SPTLC3: variants seen among roughly 807,000 people sequenced by gnomAD.
SPTLC3 encodes the protein serine palmitoyltransferase 3.
In SPTLC3, 36 loss-of-function variants were observed where a neutral mutation model predicts 59.3. The ratio of observed to expected loss-of-function variants is 0.61; its 90% CI spans 0.47 to 0.80. SPTLC3 has a LOEUF of 0.80. Ranked by LOEUF, SPTLC3 falls within the 30% of genes least tolerant of loss-of-function variation. SPTLC3 has a pLI of 0.00. For synonymous variants in SPTLC3, 257 were observed against 240.8 expected (o/e 1.07, Z -0.62); for missense variants, 625 against 685.1 (o/e 0.91, Z 0.98).
intron 9 of SPTLC3, among the ~76,000 whole-genome samples, chr20:13,134,685 A>G (rs1223425089): frequency 6.6e-6 from 1 of 152,178 alleles, no homozygotes; most frequent in African/African-American, 2.4e-5. Flanking sequence ...CAGAAAAGAA[A>G]CAGATCTGTG....
At chr20:13,122,282 A>G (rs1057115830) in intron 8 of SPTLC3, among the ~76,000 whole-genome samples, 3 of 152,242 alleles carry the variant, frequency 2.0e-5, no homozygotes, top group Admixed American at 2.0e-4. Context: ...GACATGAAAC[A>G]TTTGGAGACC....
Position 13,160,079 on chromosome 20 carries a change from G to A in SPTLC3, c.1492G>A (p.Ala498Thr), listed in dbSNP as rs1163646832. 3 of 1,613,836 alleles carry A rather than the reference G, an allele frequency of 1.9e-6. No homozygotes were observed. The highest frequency in any genetic ancestry group is 2.2e-5 in the East Asian group (1 of 44,850). Residue 498 changes from alanine to threonine, a missense_variant, in exon 11 of 12, where the codon GCT (alanine) becomes ACT (threonine). Physicochemically the swap from Ala to Thr is moderately conservative, Grantham distance 58. Transcript: ENST00000399002. ...ATTTCCAGCCACTCCCCTCGCAGAAGCTCGGGCTCGGTTTTGTGTTTCAGC... is the reference window on the plus strand; with the variant it reads ...ATTTCCAGCCACTCCCCTCGCAGAAACTCGGGCTCGGTTTTGTGTTTCAGC... ...VGFPATPLAE[A>T]RARFCVSAAH...
intron 2 of SPTLC3, among the ~76,000 whole-genome samples, chr20:13,063,633 T>A (rs959891968): frequency 3.3e-4 from 46 of 139,326 alleles, no homozygotes; most frequent in East Asian, 1.1e-3. Flanking sequence ...AAATTTTTTT[T>A]AAATTTTATT....
intron 1 of SPTLC3, among the ~76,000 whole-genome samples, chr20:13,027,641 GCACACACACACACACACACA>G (rs57913044): frequency 1.4e-5 from 2 of 144,140 alleles, no homozygotes; most frequent in Admixed American, 6.9e-5. Flanking sequence ...ATTTCAGCAC[GCACACACACACACACACACA>G]CACACACACA....
At chr20:13,096,376 G>C (rs551565612) in intron 6 of SPTLC3, among the ~76,000 whole-genome samples, 1 of 151,348 alleles carries the variant, frequency 6.6e-6, no homozygotes, top group Non-Finnish European at 1.5e-5. Context: ...GAAACAATCC[G>C]AATGTCTACC....
rs528259960 is a variant in SPTLC3, at chr20:13,162,631, C to A, written c.1546-2123C>A. ...TTTGGACAAGACAGAGACAAGGCCA[C>A]AATACTTAATGTCTCCCTCTTCTGA... On this transcript the variant is annotated intron_variant, in intron 11 of 11. Coordinates refer to ENST00000399002, the MANE Select transcript of SPTLC3 (RefSeq NM_018327.4). 8.5e-5 allele frequency among the ~76,000 whole-genome samples: 13 copies of A among 152,306 alleles called. 1 individual carries two copies. The South Asian group carries it at 2.7e-3, about 32-fold the overall frequency.
intron 1 of SPTLC3, among the ~76,000 whole-genome samples, chr20:13,027,378 A>G (rs1022917473): frequency 2.0e-5 from 3 of 152,176 alleles, no homozygotes; most frequent in Non-Finnish European, 4.4e-5. Flanking sequence ...AACAAATGCT[A>G]CTGACCTGTT....
chr20:13,066,413 T>C lies in SPTLC3; in HGVS notation c.304-5843T>C, dbSNP rs243877. On this transcript the variant is annotated intron_variant, in intron 2 of 11. Coordinates refer to ENST00000399002, the MANE Select transcript of SPTLC3 (RefSeq NM_018327.4). ...TTCCTGGGCTCTCTATTCTGTTCCA[T>C]TGGCCTATGTGTCTGTTTCTATGCC... 8.5e-3 allele frequency among the ~76,000 whole-genome samples: 1,292 copies of C among 152,308 alleles called. 18 individuals are homozygous for C. Among genetic ancestry groups the C allele is most frequent in the African/African-American group, 0.028 (1,183 of 41,564 alleles).
At chr20:13,101,182 T>C (rs985007806) in intron 6 of SPTLC3, among the ~76,000 whole-genome samples, 1 of 152,210 alleles carries the variant, frequency 6.6e-6, no homozygotes, top group Non-Finnish European at 1.5e-5. Context: ...TTGTGACTGA[T>C]TGAAGGCTGC....
rs905246303 is a variant in SPTLC3 at position 13,023,967 on chromosome 20, A to G, written c.117+14583A>G. On this transcript the variant is annotated intron_variant, in intron 1 of 11. Transcript: ENST00000399002. Reference sequence around the variant, plus strand: ...GCTTCTAATAAAATACTGCATTCTCAGAGTCGAGTGTCCAAGAAAGTAAAT... The same window carrying G: ...GCTTCTAATAAAATACTGCATTCTCGGAGTCGAGTGTCCAAGAAAGTAAAT... Among the ~76,000 whole-genome samples, 4 of 152,306 alleles carry G rather than the reference A, an allele frequency of 2.6e-5. No homozygotes were observed. The East Asian group carries it at 7.7e-4, about 29-fold the overall frequency.
chr20:13,164,626 C>A, intron 11 of SPTLC3, 128 bp from the exon 12 acceptor site: 1 of 701,464 alleles, frequency 1.4e-6, no homozygotes, highest in Non-Finnish European at 2.4e-6. Context: ...TGCTTCTTTT[C>A]TTTAAAATCA....
chr20:13,009,701 CTT>C (rs1278814095), intron 1 of SPTLC3, among the ~76,000 whole-genome samples: 1 of 152,198 alleles, frequency 6.6e-6, no homozygotes, highest in Non-Finnish European at 1.5e-5. Flanking sequence ...AGTTCCAACT[CTT>C]TGCATATATT....
At chr20:13,156,570 A>T (rs1443572026) in intron 10 of SPTLC3, among the ~76,000 whole-genome samples, 2 of 152,212 alleles carry the variant, frequency 1.3e-5, no homozygotes, top group South Asian at 2.1e-4. Context: ...ATCTTATTTC[A>T]TAAGGTTACT....
intron 9 of SPTLC3, among the ~76,000 whole-genome samples, chr20:13,142,125 T>C (rs1242494514): frequency 3.3e-5 from 5 of 152,358 alleles, no homozygotes; most frequent in African/African-American, 7.2e-5. Flanking sequence ...AGGGTAGACT[T>C]TTATGAAAGC....
chr20:13,090,947 A>T, intron 4 of SPTLC3, 136 bp from the exon 5 acceptor site: 2 of 1,182,198 alleles, frequency 1.7e-6, no homozygotes, highest in Non-Finnish European at 2.4e-6. Flanking sequence ...TTTCTAGATT[A>T]GGGCAATGGC....
chr20:13,027,639 A>G (rs4087992), intron 1 of SPTLC3, among the ~76,000 whole-genome samples: 15,860 of 59,134 alleles, frequency 0.27, 1,026 homozygotes, highest in African/African-American at 0.34. Context: ...CTATTTCAGC[A>G]CGCACACACA....
In SPTLC3 at chr20:13,117,669, A is replaced by G; in HGVS notation, c.1096A>G (p.Met366Val). 1.2e-6 allele frequency: 2 copies of G among 1,613,938 alleles called. No individual in the cohort carries two copies. The highest frequency in any genetic ancestry group is 1.7e-6 in the Non-Finnish European group (2 of 1,179,904). ...AGACCCTCATGAAGTTGATGTGCTC[A>G]TGGGCACATTCACCAAAAGTTTTGG... The part of the protein sequence containing the change: ...GLDPHEVDVL[M>V]GTFTKSFGAS... Residue 366 changes from methionine to valine, a missense_variant, in exon 8 of 12, where the codon ATG (methionine) becomes GTG (valine). Transcript: ENST00000399002.
At chr20:13,011,249 G>T (rs17190775) in intron 1 of SPTLC3, among the ~76,000 whole-genome samples, 30,302 of 152,170 alleles carry the variant, frequency 0.2, 3,639 homozygotes, top group South Asian at 0.38. Context: ...TTTGCCACCA[G>T]TTTTGATCCT....
chr20:13,110,054 G>A (rs1990135972), intron 6 of SPTLC3, 58 bp from the exon 7 acceptor site: 3 of 1,427,078 alleles, frequency 2.1e-6, no homozygotes, highest in Admixed American at 2.2e-5. Flanking sequence ...AAAAGAAAGT[G>A]GAAAAGGAAA....
Sources: allele counts gnomAD v4.1 joint callset (sites outside exome capture counted in the v4.1 genomes callset), GRCh38; gene constraint gnomAD v4.1.1; transcripts MANE v1.5; gene names NCBI Gene and HGNC (gene_info 2026-07-23, HGNC 2026-07-21).